CAPZA1: variants seen among roughly 807,000 people sequenced by gnomAD.
CAPZA1 encodes the protein capping actin protein of muscle Z-line subunit alpha 1.
A neutral mutation model predicts 40.8 loss-of-function variants in CAPZA1; 10 were observed. That is an observed-to-expected ratio of 0.25 (90% CI 0.15 to 0.42). The LOEUF is 0.42. Ranked by LOEUF, CAPZA1 falls within the 10% of genes least tolerant of loss-of-function variation. The pLI, the probability that CAPZA1 is intolerant of heterozygous loss-of-function variation, is 1.00. For missense variants in CAPZA1, 277 were observed against 353.8 expected (o/e 0.78, Z 1.74); for synonymous variants, 98 against 115.0 (o/e 0.85, Z 0.95).
chr1:112,646,345 C>T (rs935282072), intron 1 of CAPZA1, among the ~76,000 whole-genome samples: 3 of 152,070 alleles, frequency 2.0e-5, no homozygotes, highest in African/African-American at 7.2e-5. Flanking sequence ...TTTGGGAGGC[C>T]GAGGCCAGAG....
At chr1:112,660,376 G>A (rs563486357) in intron 7 of CAPZA1, among the ~76,000 whole-genome samples, 20 of 152,324 alleles carry the variant, frequency 1.3e-4, no homozygotes, top group African/African-American at 4.6e-4. Flanking sequence ...TGGCTCCTGG[G>A]TTCAGGTGAT....
chr1:112,637,638 G>A (rs950464653), intron 1 of CAPZA1, among the ~76,000 whole-genome samples: 2 of 152,138 alleles, frequency 1.3e-5, no homozygotes, highest in African/African-American at 4.8e-5. Context: ...TTGTAATAGA[G>A]ATAAGATCTT....
intron 7 of CAPZA1, among the ~76,000 whole-genome samples, chr1:112,663,189 C>T (rs1671655164): frequency 6.6e-6 from 1 of 152,150 alleles, no homozygotes; most frequent in Non-Finnish European, 1.5e-5. Flanking sequence ...TGATCTTGAT[C>T]TCCTGACCTC....
intron 1 of CAPZA1, among the ~76,000 whole-genome samples, chr1:112,636,724 ACTGC>A (rs1671027430): frequency 6.6e-6 from 1 of 152,146 alleles, no homozygotes; most frequent in African/African-American, 2.4e-5. Context: ...ATGGGAGATA[ACTGC>A]CTTCTTTCTT....
chr1:112,635,869 A>G (rs1671006188), intron 1 of CAPZA1, among the ~76,000 whole-genome samples: 1 of 152,122 alleles, frequency 6.6e-6, no homozygotes, highest in Non-Finnish European at 1.5e-5. Flanking sequence ...CCTCTACTAA[A>G]AATGCAAAAA....
chr1:112,638,595 G>C (rs1170735066), intron 1 of CAPZA1, among the ~76,000 whole-genome samples: 1 of 151,720 alleles, frequency 6.6e-6, no homozygotes, highest in Non-Finnish European at 1.5e-5. Context: ...GATTACAGGC[G>C]TGAGCCACCA....
At chr1:112,631,194 A>C (rs1180962100) in intron 1 of CAPZA1, among the ~76,000 whole-genome samples, 1 of 152,246 alleles carries the variant, frequency 6.6e-6, no homozygotes, top group Non-Finnish European at 1.5e-5. Context: ...CTTTATCTTT[A>C]GTATTCACCT....
chr1:112,656,022 A>G (rs1671493206), intron 5 of CAPZA1, among the ~76,000 whole-genome samples: 1 of 152,228 alleles, frequency 6.6e-6, no homozygotes, highest in Admixed American at 6.5e-5. Flanking sequence ...ATTTTGAAAT[A>G]TGTATACATT....
At chr1:112,659,833 C>A in intron 7 of CAPZA1, 54 bp downstream of exon 7, 1 of 1,393,804 alleles carries the variant, frequency 7.2e-7, no homozygotes, top group Non-Finnish European at 1.0e-6. Context: ...AAAACATGTG[C>A]AGGTTGCTTT....
intron 1 of CAPZA1, among the ~76,000 whole-genome samples, chr1:112,623,674 T>TC (rs1670730436): frequency 8.9e-6 from 1 of 111,758 alleles, no homozygotes; most frequent in Admixed American, 1.0e-4. Flanking sequence ...GGAGCGAAAC[T>TC]CCGTCTCAAA....
chr1:112,652,027 A>G (rs1447517340), intron 3 of CAPZA1, among the ~76,000 whole-genome samples: 2 of 152,034 alleles, frequency 1.3e-5, no homozygotes, highest in African/African-American at 2.4e-5. Context: ...AGGCTGAGGC[A>G]GGAGAATCAC....
intron 1 of CAPZA1, among the ~76,000 whole-genome samples, chr1:112,623,663 A>G (rs1368340528): frequency 1.3e-5 from 2 of 148,894 alleles, no homozygotes; most frequent in African/African-American, 5.0e-5. Context: ...CCTGGGCAAC[A>G]GGAGCGAAAC....
chr1:112,627,534 A>G lies in CAPZA1; in HGVS notation c.39+7651A>G, dbSNP rs576417111. Among the ~76,000 whole-genome samples the G allele has an allele frequency of 2.5e-4, 38 of 149,470 alleles. 1 individual carries two copies. In the Middle Eastern group the frequency reaches 0.017, roughly 69 times the overall value. ...GTGGCACACGCCTGTAGTCCCAGCT[A>G]CTTGGGAGAATCACTTGAACCTGAG... On this transcript the variant is annotated intron_variant, in intron 1 of 9. Coordinates refer to ENST00000263168, the MANE Select transcript of CAPZA1 (RefSeq NM_006135.3).
At chr1:112,620,905 T>C (rs867536468) in intron 1 of CAPZA1, 1 of 152,236 alleles carries the variant, frequency 6.6e-6, no homozygotes, top group African/African-American at 2.4e-5. Context: ...AGGCAACTTA[T>C]TGGACAAGAA....
intron 1 of CAPZA1, among the ~76,000 whole-genome samples, chr1:112,622,258 C>T (rs1010626338): frequency 5.3e-5 from 8 of 152,068 alleles, no homozygotes; most frequent in East Asian, 1.9e-4. Context: ...ATCATCTATT[C>T]TCATAACTGC....
intron 7 of CAPZA1, among the ~76,000 whole-genome samples, chr1:112,663,931 G>A (rs1671668438): frequency 6.6e-6 from 1 of 151,920 alleles, no homozygotes; most frequent in Non-Finnish European, 1.5e-5. Context: ...CCAGCTGTTT[G>A]TCCTCATTCA....
chr1:112,619,930 T>C (rs778060979), intron 1 of CAPZA1, 47 bp downstream of exon 1: 24 of 1,520,146 alleles, frequency 1.6e-5, no homozygotes, highest in Non-Finnish European at 4.5e-6. Context: ...GACAGGGAAC[T>C]GGGGCCCGGC....
chr1:112,649,572 G>A (rs1000212011), intron 3 of CAPZA1, 103 bp downstream of exon 3: 24 of 941,894 alleles, frequency 2.5e-5, no homozygotes, highest in Non-Finnish European at 3.6e-5. Context: ...ATACTTCAAA[G>A]TAAAGCAGTT....
intron 1 of CAPZA1, among the ~76,000 whole-genome samples, chr1:112,641,066 C>T (rs1671146613): frequency 6.6e-6 from 1 of 152,076 alleles, no homozygotes; most frequent in Non-Finnish European, 1.5e-5. Context: ...TCTCAAGTAC[C>T]CAGGGACACA....
Sources: gnomAD v4.1 joint callset for allele counts (sites outside exome capture counted in the v4.1 genomes callset) on GRCh38, gnomAD v4.1.1 for gene constraint, MANE v1.5 for transcripts, NCBI Gene and HGNC (gene_info 2026-07-23, HGNC 2026-07-21) for gene names.